Variants in PRKD1 observed in about 807,000 individuals in gnomAD.
The protein encoded by PRKD1 is protein kinase D1, also known as serine/threonine-protein kinase D1.
Under a neutral mutation model 95.9 loss-of-function variants are expected in PRKD1, and 63 were observed. The ratio of observed to expected loss-of-function variants is 0.66; its 90% CI spans 0.54 to 0.81. The LOEUF is 0.81. Ranked by LOEUF, PRKD1 falls within the 30% of genes least tolerant of loss-of-function variation. The pLI, the probability that PRKD1 is intolerant of heterozygous loss-of-function variation, is 0.00. For missense variants in PRKD1, 1,048 were observed against 1,165.3 expected (o/e 0.90, Z 1.47); for synonymous variants, 425 against 423.1 (o/e 1.00, Z -0.05).
chr14:29,663,296 A>G (rs1882295792), intron 4 of PRKD1, among the ~76,000 whole-genome samples: 1 of 151,766 alleles, frequency 6.6e-6, no homozygotes, highest in African/African-American at 2.4e-5. Context: ...TCATGGTTTC[A>G]CAAGAGCAAA....
At position 29,638,533 on chromosome 14, in the gene PRKD1, G is replaced by A. The variant is rs778680785; in HGVS notation, c.941C>T (p.Pro314Leu). The A allele has an allele frequency of 1.1e-5, 17 of 1,614,068 alleles. No individual in the cohort carries two copies. In the East Asian group the frequency reaches 1.8e-4, roughly 17 times the overall value. ...CRFNCHKRCA[P>L]KVPNNCLGEV... Reference sequence around the variant, plus strand: ...GCCAAGGCAGTTGTTTGGTACTTTCGGTGCACAACGTTTATGGCAGTTGAA... The same window carrying A: ...GCCAAGGCAGTTGTTTGGTACTTTCAGTGCACAACGTTTATGGCAGTTGAA... The change falls in exon 6 of 18, where the codon CCG (proline) becomes CTG (leucine). Residue 314 changes from proline (P) to leucine (L), a missense_variant. Coordinates refer to ENST00000331968, the MANE Select transcript of PRKD1 (RefSeq NM_002742.3).
At chr14:29,618,415 C>A (rs10150613) in intron 13 of PRKD1, among the ~76,000 whole-genome samples, 30,792 of 151,832 alleles carry the variant, frequency 0.2, 3,506 homozygotes, top group African/African-American at 0.29. Context: ...ACCACCACAC[C>A]CAGCTAATTT....
At chr14:29,674,848 T>A (rs1187437563) in intron 2 of PRKD1, among the ~76,000 whole-genome samples, 2 of 152,170 alleles carry the variant, frequency 1.3e-5, no homozygotes, top group Non-Finnish European at 2.9e-5. Context: ...TGTTGTCAAA[T>A]ACAATACATT....
intron 1 of PRKD1, among the ~76,000 whole-genome samples, chr14:29,863,519 A>G (rs957309901): frequency 6.6e-6 from 1 of 152,176 alleles, no homozygotes; most frequent in African/African-American, 2.4e-5. Context: ...TTTAAAACAA[A>G]CAAGCATGGA....
chr14:29,717,521 T>C (rs1402475108), intron 2 of PRKD1, among the ~76,000 whole-genome samples: 1 of 152,112 alleles, frequency 6.6e-6, no homozygotes, highest in African/African-American at 2.4e-5. Context: ...ACTTATGAAA[T>C]TGAAGCTATG....
Position 29,634,470 on chromosome 14 carries a change from C to T in PRKD1, c.1262G>A (p.Ser421Asn), listed in dbSNP as rs755705877. 2 of 1,613,972 alleles carry T rather than the reference C, an allele frequency of 1.2e-6. No individual in the cohort carries two copies. Among genetic ancestry groups the T allele is most frequent in the African/African-American group, 2.7e-5 (2 of 74,904 alleles). ...CATCCATCCTTCTTTCATGACTGTG[C>T]TGCTTTTCCTCTTCGTGTGTTTGAC... The part of the protein sequence containing the change: ...QSVKHTKRKS[S>N]TVMKEGWMVH... The change falls in exon 8 of 18, where the codon AGC becomes AAC. Residue 421 changes from serine (S) to asparagine (N), a missense_variant. This residue lies in a region of PRKD1 where 739 missense variants were observed against 861.9 expected (regional missense o/e 0.86). Coordinates refer to ENST00000331968, the MANE Select transcript of PRKD1 (RefSeq NM_002742.3).
At chr14:29,837,881 G>T (rs1183046437) in intron 1 of PRKD1, among the ~76,000 whole-genome samples, 1 of 152,094 alleles carries the variant, frequency 6.6e-6, no homozygotes, top group Non-Finnish European at 1.5e-5. Context: ...GCTGTAAAAA[G>T]CTTTTTAATT....
intron 1 of PRKD1, among the ~76,000 whole-genome samples, chr14:29,801,391 G>C (rs575174505): frequency 6.6e-6 from 1 of 152,158 alleles, no homozygotes; most frequent in Non-Finnish European, 1.5e-5. Context: ...AAGTTGACAC[G>C]TGTAGCTAGC....
At chr14:29,820,143 A>T (rs1395808933) in intron 1 of PRKD1, among the ~76,000 whole-genome samples, 1 of 152,196 alleles carries the variant, frequency 6.6e-6, no homozygotes, top group Non-Finnish European at 1.5e-5. Flanking sequence ...AGGACACCCC[A>T]TATTACCCCT....
At chr14:29,737,359 A>AAAAAAAAC (rs1289362970) in intron 1 of PRKD1, among the ~76,000 whole-genome samples, 1 of 148,058 alleles carries the variant, frequency 6.8e-6, no homozygotes, top group Non-Finnish European at 1.5e-5. Flanking sequence ...AAAAAAAAAA[A>AAAAAAAAC]AAATACTCTG....
chr14:29,674,599 G>C (rs1883046590), intron 2 of PRKD1, among the ~76,000 whole-genome samples: 1 of 152,152 alleles, frequency 6.6e-6, no homozygotes. Flanking sequence ...ATGAGTGCAA[G>C]CACTGCAGGC....
At chr14:29,860,224 G>T (rs565273686) in intron 1 of PRKD1, among the ~76,000 whole-genome samples, 14 of 152,328 alleles carry the variant, frequency 9.2e-5, no homozygotes, top group African/African-American at 3.1e-4. Context: ...TATAAAACAG[G>T]CACCTTGTTT....
chr14:29,877,920 T>C (rs373120776), intron 1 of PRKD1, among the ~76,000 whole-genome samples: 138 of 152,112 alleles, frequency 9.1e-4, no homozygotes, highest in South Asian at 4.8e-3. Context: ...AAATGGCCGA[T>C]TGGATGAGGA....
intron 4 of PRKD1, among the ~76,000 whole-genome samples, chr14:29,660,668 G>A (rs1008149911): frequency 2.0e-5 from 3 of 151,972 alleles, no homozygotes; most frequent in African/African-American, 7.3e-5. Flanking sequence ...CCCTTGCCTG[G>A]TGTGGGTTCA....
Position 29,902,295 on chromosome 14 carries a change from T to G in PRKD1, c.264+24954A>C, listed in dbSNP as rs1894347192. 2.6e-5 allele frequency among the ~76,000 whole-genome samples: 4 copies of G among 152,266 alleles called. 1 individual carries two copies. Among genetic ancestry groups the G allele is most frequent in the Middle Eastern group, 6.8e-3 (2 of 294 alleles). On this transcript the variant is annotated intron_variant, in intron 1 of 17. Coordinates refer to ENST00000331968, the MANE Select transcript of PRKD1 (RefSeq NM_002742.3). ...AAAAGGAATTATGATTTATCAATTT[T>G]CATGGTCAAAATCTCTGATTCAAAA...
intron 1 of PRKD1, among the ~76,000 whole-genome samples, chr14:29,899,141 T>A (rs74040624): frequency 0.065 from 9,882 of 152,246 alleles, 392 homozygotes; most frequent in South Asian, 0.11. Context: ...ACCAATAGAA[T>A]AATAGAGTTT....
chr14:29,911,138 T>C (rs766894894), intron 1 of PRKD1, among the ~76,000 whole-genome samples: 7 of 151,576 alleles, frequency 4.6e-5, no homozygotes, highest in Non-Finnish European at 8.8e-5. Flanking sequence ...GCAATACTTA[T>C]GTTTAATTTA....
At chr14:29,926,920 A>G (rs1031934102) in intron 1 of PRKD1, among the ~76,000 whole-genome samples, 1 of 152,140 alleles carries the variant, frequency 6.6e-6, no homozygotes, top group East Asian at 2.0e-4. Flanking sequence ...GAAAACTGGG[A>G]AGTCTCAAGG....
chr14:29,821,037 T>G (rs1555347893), intron 1 of PRKD1, among the ~76,000 whole-genome samples: 1 of 152,198 alleles, frequency 6.6e-6, no homozygotes, highest in Non-Finnish European at 1.5e-5. Context: ...AAGTCAGCTT[T>G]GAACACACTG....
Sources: allele counts gnomAD v4.1 joint callset (sites outside exome capture counted in the v4.1 genomes callset), GRCh38; gene constraint gnomAD v4.1.1; regional missense constraint gnomAD v4.1.1; transcripts MANE v1.5; gene names NCBI Gene and HGNC (gene_info 2026-07-23, HGNC 2026-07-21).